Variants in FGD4 observed in about 807,000 individuals in gnomAD.
FGD4 encodes the protein FYVE, RhoGEF and PH domain-containing protein 4.
Under a neutral mutation model 102.0 loss-of-function variants are expected in FGD4, and 42 were observed. The observed-to-expected ratio is 0.41, with a 90% CI of 0.32 to 0.53. FGD4 has a LOEUF of 0.53. Among genes scored for constraint, FGD4 ranks in the 20% least tolerant of loss-of-function variants. The pLI, the probability that FGD4 is intolerant of heterozygous loss-of-function variation, is 0.21. For synonymous variants in FGD4, 380 were observed against 375.7 expected (o/e 1.01, Z -0.13); for missense variants, 902 against 1,078.2 (o/e 0.84, Z 2.29).
intron 8 of FGD4, among the ~76,000 whole-genome samples, chr12:32,608,528 G>A (rs1358795580): frequency 1.3e-5 from 2 of 152,212 alleles, no homozygotes; most frequent in African/African-American, 2.4e-5. Flanking sequence ...CTGCCCTAAC[G>A]TGCTACCATA....
intron 1 of FGD4, among the ~76,000 whole-genome samples, chr12:32,512,702 C>T (rs1267537292): frequency 6.6e-6 from 1 of 152,108 alleles, no homozygotes; most frequent in Non-Finnish European, 1.5e-5. Flanking sequence ...ATCCAGGGCC[C>T]ACCTCTTTCT....
chr12:32,616,317 C>A (rs1163496395), intron 10 of FGD4, among the ~76,000 whole-genome samples: 1 of 152,162 alleles, frequency 6.6e-6, no homozygotes, highest in Non-Finnish European at 1.5e-5. Flanking sequence ...GGCAAAGAAC[C>A]TTGGGGAAAG....
In FGD4 at chr12:32,582,297, A is replaced by G. The variant is rs756684357; in HGVS notation, c.841A>G (p.Thr281Ala). The G allele has an allele frequency of 6.2e-7, 1 of 1,614,222 alleles. No individual in the cohort carries two copies. The highest frequency in any genetic ancestry group is 2.2e-5 in the East Asian group (1 of 44,888). ...ETATAPASPT[T>A]DSCDGNASDS... ...TGCCACAGCTCCTGCATCACCCACA[A>G]CAGACAGCTGTGATGGAAATGCTTC... The change falls in exon 4 of 17, where the codon ACA (threonine) becomes GCA (alanine). Residue 281 changes from threonine to alanine, a missense_variant. Coordinates refer to ENST00000534526, the MANE Select transcript of FGD4 (RefSeq NM_001370298.3).
intron 10 of FGD4, among the ~76,000 whole-genome samples, chr12:32,612,639 G>A (rs1021466479): frequency 2.0e-5 from 3 of 151,972 alleles, no homozygotes; most frequent in African/African-American, 7.3e-5. Flanking sequence ...CAGGTAATTG[G>A]GTACCATTTC....
At chr12:32,495,251 G>A (rs1937724614) in intron 1 of FGD4, among the ~76,000 whole-genome samples, 1 of 152,150 alleles carries the variant, frequency 6.6e-6, no homozygotes, top group Admixed American at 6.5e-5. Context: ...CTGCTAACAA[G>A]TTGTTTTGTC....
chr12:32,573,046 T>A (rs1592264986), intron 2 of FGD4, among the ~76,000 whole-genome samples: 2 of 152,338 alleles, frequency 1.3e-5, no homozygotes, highest in African/African-American at 4.8e-5. Flanking sequence ...TGTCATTTCC[T>A]CTGGGTACAG....
intron 13 of FGD4, 123 bp downstream of exon 13, chr12:32,625,191 G>T: frequency 1.4e-6 from 1 of 710,154 alleles, no homozygotes; most frequent in East Asian, 3.1e-5. Flanking sequence ...TGGTTAGACA[G>T]AATCTCATTC....
At chr12:32,456,255 T>A (rs1942946003) in intron 1 of FGD4, among the ~76,000 whole-genome samples, 1 of 152,178 alleles carries the variant, frequency 6.6e-6, no homozygotes, top group South Asian at 2.1e-4. Context: ...TAATAGTGTA[T>A]ACTTTTGCTA....
At chr12:32,482,778 G>A (rs747782851) in intron 1 of FGD4, among the ~76,000 whole-genome samples, 46 of 152,128 alleles carry the variant, frequency 3.0e-4, no homozygotes, top group African/African-American at 5.1e-4. Flanking sequence ...TTCATCCCAC[G>A]TTAATAATTT....
intron 1 of FGD4, among the ~76,000 whole-genome samples, chr12:32,410,045 T>A (rs1042583619): frequency 6.7e-6 from 1 of 149,722 alleles, no homozygotes; most frequent in African/African-American, 2.5e-5. Context: ...TTTGCCAGTA[T>A]GGACCTGGTG....
At chr12:32,489,758 C>T (rs770361942) in intron 1 of FGD4, among the ~76,000 whole-genome samples, 5 of 151,754 alleles carry the variant, frequency 3.3e-5, no homozygotes, top group Non-Finnish European at 5.9e-5. Context: ...GTGATATGAC[C>T]CTATTTTTCG....
rs540603258 is a variant in FGD4, at chr12:32,633,883, C to G, written c.2313+194C>G. On this transcript the variant is annotated intron_variant, in intron 15 of 16. Transcript: ENST00000534526. Reference sequence around the variant, plus strand: ...ATTTTTAGTAGGGATGGGGTTTCCCCATGTTGGCCAGCTGGTCTCAAACTC... The same window carrying G: ...ATTTTTAGTAGGGATGGGGTTTCCCGATGTTGGCCAGCTGGTCTCAAACTC... Among the ~76,000 whole-genome samples the G allele has an allele frequency of 2.6e-5, 4 of 152,326 alleles. No individual in the cohort carries two copies. The East Asian group carries it at 7.7e-4, about 29-fold the overall frequency.
chr12:32,434,253 G>A (rs1159001963), intron 1 of FGD4, among the ~76,000 whole-genome samples: 1 of 152,118 alleles, frequency 6.6e-6, no homozygotes, highest in Non-Finnish European at 1.5e-5. Flanking sequence ...CTTTTATGAT[G>A]TTCTAAAACT....
chr12:32,433,351 CT>C (rs1942117070), intron 1 of FGD4, among the ~76,000 whole-genome samples: 1 of 150,896 alleles, frequency 6.6e-6, no homozygotes, highest in South Asian at 2.1e-4. Flanking sequence ...ATACATTTTT[CT>C]TTTTTTTTCT....
intron 1 of FGD4, among the ~76,000 whole-genome samples, chr12:32,409,330 C>G (rs535336271): frequency 2.1e-5 from 3 of 141,160 alleles, no homozygotes; most frequent in African/African-American, 8.2e-5. Context: ...CTCTTGTCCC[C>G]CAAGCTGGAG....
chr12:32,605,097 C>G (rs548052419), intron 7 of FGD4, among the ~76,000 whole-genome samples: 4 of 151,938 alleles, frequency 2.6e-5, no homozygotes, highest in Non-Finnish European at 5.9e-5. Flanking sequence ...TGCCACTACA[C>G]CTGGTTAATT....
intron 1 of FGD4, among the ~76,000 whole-genome samples, chr12:32,536,929 C>CT (rs113194259): frequency 0.025 from 3,577 of 144,566 alleles, 153 homozygotes; most frequent in African/African-American, 0.082. Context: ...TCTCTCTTTT[C>CT]TTTTTTTTTT....
intron 10 of FGD4, among the ~76,000 whole-genome samples, chr12:32,616,454 T>C (rs1949455082): frequency 6.6e-6 from 1 of 152,240 alleles, no homozygotes; most frequent in Non-Finnish European, 1.5e-5. Context: ...CATTTATTCT[T>C]TGAAGACCAT....
At chr12:32,581,303 T>C (rs531597779) in intron 3 of FGD4, among the ~76,000 whole-genome samples, 8 of 152,222 alleles carry the variant, frequency 5.3e-5, no homozygotes, top group Non-Finnish European at 1.2e-4. Flanking sequence ...TAGAATCTCA[T>C]AGGCTGTCAC....
Sources: gnomAD v4.1 joint callset for allele counts (sites outside exome capture counted in the v4.1 genomes callset) on GRCh38, gnomAD v4.1.1 for gene constraint, MANE v1.5 for transcripts, NCBI Gene and HGNC (gene_info 2026-07-23, HGNC 2026-07-21) for gene names.